Variants in GALNT13 observed in about 807,000 individuals in gnomAD.
GALNT13 encodes the protein UDP-GalNAc:polypeptide N-acetylgalactosaminyltransferase 13.
In GALNT13, 28 loss-of-function variants were observed where a neutral mutation model predicts 64.2. The ratio of observed to expected loss-of-function variants is 0.44; its 90% confidence interval spans 0.32 to 0.60. The LOEUF (loss-of-function observed/expected upper bound fraction) is 0.60, where lower values mean the gene tolerates loss of function less well. Among genes scored for constraint, GALNT13 ranks in the 20% least tolerant of loss-of-function variants. The pLI is 0.05. For missense variants in GALNT13, 577 were observed against 669.8 expected (o/e 0.86, Z 1.53); for synonymous variants, 214 against 224.6 (o/e 0.95, Z 0.42).
At chr2:154,361,610 T>A (rs1007634471) in intron 9 of GALNT13, among the ~76,000 whole-genome samples, 3 of 152,100 alleles carry the variant, frequency 2.0e-5, no homozygotes, top group African/African-American at 7.2e-5. Context: ...CTCATAGGAT[T>A]GCCTTTAGAT....
At chr2:153,854,078 A>C in the GALNT13 span, among the ~76,000 whole-genome samples, 1 of 151,844 alleles carries the variant, frequency 6.6e-6, no homozygotes, top group Non-Finnish European at 1.5e-5. Context: ...ATAACTATAA[A>C]ATGTAAGCGT....
At chr2:153,795,025 A>C in the GALNT13 span, among the ~76,000 whole-genome samples, 1 of 152,208 alleles carries the variant, frequency 6.6e-6, no homozygotes, top group Non-Finnish European at 1.5e-5. Flanking sequence ...AATTAAAAAG[A>C]AAGAAACAAA....
chr2:153,562,382 A>G, the GALNT13 span, among the ~76,000 whole-genome samples: 1 of 152,036 alleles, frequency 6.6e-6, no homozygotes, highest in Non-Finnish European at 1.5e-5. Context: ...TTTGATAGTG[A>G]CAATCACTTA....
At chr2:154,222,382 T>C (rs2105824792) in intron 4 of GALNT13, among the ~76,000 whole-genome samples, 1 of 152,256 alleles carries the variant, frequency 6.6e-6, no homozygotes, top group African/African-American at 2.4e-5. Context: ...TATATTCTGA[T>C]CAGCCAATAT....
At chr2:153,804,472 T>C in the GALNT13 span, among the ~76,000 whole-genome samples, 2 of 152,124 alleles carry the variant, frequency 1.3e-5, no homozygotes, top group Admixed American at 1.3e-4. Context: ...CCACAGCACC[T>C]GGCCAGTAAA....
chr2:153,812,863 A>C, the GALNT13 span, among the ~76,000 whole-genome samples: 6 of 152,180 alleles, frequency 3.9e-5, no homozygotes, highest in African/African-American at 1.4e-4. Flanking sequence ...GTGATATCTC[A>C]CAGGAATGTT....
At chr2:154,123,802 G>T (rs1292793478) in intron 3 of GALNT13, among the ~76,000 whole-genome samples, 1 of 151,990 alleles carries the variant, frequency 6.6e-6, no homozygotes, top group Non-Finnish European at 1.5e-5. Context: ...GTGTACAAAT[G>T]CGAGAAGAAA....
intron 3 of GALNT13, among the ~76,000 whole-genome samples, chr2:153,982,479 A>C (rs544151900): frequency 6.6e-6 from 1 of 152,244 alleles, no homozygotes; most frequent in South Asian, 2.1e-4. Flanking sequence ...TATAAGTTGT[A>C]GTAGTCATCT....
the GALNT13 span, among the ~76,000 whole-genome samples, chr2:153,401,634 GGATA>G: frequency 6.6e-6 from 1 of 150,412 alleles, no homozygotes; most frequent in African/African-American, 2.5e-5. Context: ...TATATATTTA[GGATA>G]GTTAGCTCTT....
At chr2:153,405,989 AG>A in the GALNT13 span, among the ~76,000 whole-genome samples, 2 of 152,324 alleles carry the variant, frequency 1.3e-5, no homozygotes, top group East Asian at 1.9e-4. Context: ...GAGCTAAACA[AG>A]CAAAAGTAGT....
At chr2:153,193,515 G>T in the GALNT13 span, among the ~76,000 whole-genome samples, 1 of 151,616 alleles carries the variant, frequency 6.6e-6, no homozygotes, top group Non-Finnish European at 1.5e-5. Flanking sequence ...GTTAGTGGGT[G>T]CAGTGCACCA....
chr2:154,167,111 G>A (rs565888716), intron 4 of GALNT13, among the ~76,000 whole-genome samples: 1 of 152,030 alleles, frequency 6.6e-6, no homozygotes, highest in South Asian at 2.1e-4. Context: ...GTGTATTGTA[G>A]AATTTAAAGT....
the GALNT13 span, among the ~76,000 whole-genome samples, chr2:153,435,856 A>T: frequency 6.6e-6 from 1 of 152,028 alleles, no homozygotes; most frequent in African/African-American, 2.4e-5. Context: ...CAGAACTTCC[A>T]ACACTATGTT....
At chr2:153,908,121 C>T (rs746775443) in intron 2 of GALNT13, among the ~76,000 whole-genome samples, 1 of 152,046 alleles carries the variant, frequency 6.6e-6, no homozygotes, top group Non-Finnish European at 1.5e-5. Flanking sequence ...AAGATGGTAT[C>T]TCATGGTGGT....
At chr2:153,615,000 A>G in the GALNT13 span, among the ~76,000 whole-genome samples, 1 of 152,032 alleles carries the variant, frequency 6.6e-6, no homozygotes, top group Non-Finnish European at 1.5e-5. Context: ...GTTGCCGTTA[A>G]CCATCACCAC....
the GALNT13 span, among the ~76,000 whole-genome samples, chr2:153,223,596 G>C: frequency 6.6e-6 from 1 of 152,110 alleles, no homozygotes; most frequent in Admixed American, 6.5e-5. Context: ...TGAGTCAAAG[G>C]AGGCTCAAAA....
At chr2:154,424,823 G>A (rs780316436) in intron 11 of GALNT13, among the ~76,000 whole-genome samples, 12 of 152,120 alleles carry the variant, frequency 7.9e-5, no homozygotes, top group Non-Finnish European at 1.2e-4. Context: ...CCTAACGAAC[G>A]ACTTGCACTT....
At chr2:153,623,948 A>G in the GALNT13 span, among the ~76,000 whole-genome samples, 1 of 152,088 alleles carries the variant, frequency 6.6e-6, no homozygotes, top group Admixed American at 6.6e-5. Flanking sequence ...TTTTCTGCCC[A>G]TCTCATGCAC....
At chr2:153,998,159 A>G (rs145931722) in intron 3 of GALNT13, among the ~76,000 whole-genome samples, 492 of 152,294 alleles carry the variant, frequency 3.2e-3, no homozygotes, top group Middle Eastern at 6.8e-3. Context: ...GTATATATCT[A>G]GTAATGGGAT....
Sources: allele counts gnomAD v4.1 joint callset (sites outside exome capture counted in the v4.1 genomes callset), GRCh38; gene constraint gnomAD v4.1.1; transcripts MANE v1.5; gene names NCBI Gene and HGNC (gene_info 2026-07-23, HGNC 2026-07-21).